Variants in MATN2 observed in about 807,000 individuals in gnomAD.
The protein encoded by MATN2 is matrilin-2.
MATN2 carries 69 observed loss-of-function variants against 103.2 expected under a neutral mutation model. The ratio of observed to expected loss-of-function variants is 0.67; its 90% CI spans 0.55 to 0.82. The LOEUF (loss-of-function observed/expected upper bound fraction) is 0.82, where lower values mean the gene tolerates loss of function less well. Ranked by LOEUF, MATN2 falls within the 40% of genes least tolerant of loss-of-function variation. MATN2 has a pLI of 0.00. For missense variants in MATN2, 1,023 were observed against 1,211.5 expected (o/e 0.84, Z 2.31); for synonymous variants, 429 against 450.2 (o/e 0.95, Z 0.60).
At chr8:97,932,550 G>A (rs1810233309) in intron 3 of MATN2, among the ~76,000 whole-genome samples, 1 of 152,146 alleles carries the variant, frequency 6.6e-6, no homozygotes, top group Admixed American at 6.5e-5. Context: ...TCTTTTCACA[G>A]GGCTTCTCTC....
chr8:97,880,828 C>A (rs1173090583), intron 1 of MATN2, among the ~76,000 whole-genome samples: 3 of 152,156 alleles, frequency 2.0e-5, no homozygotes, highest in African/African-American at 4.8e-5. Flanking sequence ...AGTGATGCAT[C>A]CTTCTTGGTC....
chr8:97,959,377 A>G (rs1711861673), intron 4 of MATN2, among the ~76,000 whole-genome samples: 1 of 151,730 alleles, frequency 6.6e-6, no homozygotes, highest in African/African-American at 2.4e-5. Context: ...GACTAAATGA[A>G]TGAATATCGT....
rs374389167 is a variant in MATN2 at position 98,018,131 on chromosome 8, G to A, written c.1819+15G>A. ...ACGCTGCCGAAGTAAGTAGCCTCGAGGTGGAGAAGAACTTTTCCCTCTGTG... is the reference window on the plus strand; with the variant it reads ...ACGCTGCCGAAGTAAGTAGCCTCGAAGTGGAGAAGAACTTTTCCCTCTGTG... On this transcript the variant is annotated intron_variant, in intron 12 of 18. Transcript: ENST00000254898. 2.4e-5 allele frequency: 39 copies of A among 1,613,156 alleles called. No individual in the cohort carries two copies. The highest frequency in any genetic ancestry group is 3.2e-5 in the Non-Finnish European group (38 of 1,179,426).
intron 7 of MATN2, among the ~76,000 whole-genome samples, chr8:98,001,616 C>T (rs1812789940): frequency 2.0e-5 from 3 of 152,082 alleles, no homozygotes; most frequent in Admixed American, 1.3e-4. Context: ...AGACGCATGC[C>T]ACCATGCCCA....
chr8:98,000,889 G>A (rs544630985), intron 7 of MATN2, among the ~76,000 whole-genome samples: 45 of 152,250 alleles, frequency 3.0e-4, no homozygotes, highest in African/African-American at 5.5e-4. Context: ...TGAATGCTAC[G>A]AAAGAGAGGT....
chr8:97,986,094 T>C (rs1039925834), intron 6 of MATN2, among the ~76,000 whole-genome samples: 4 of 152,214 alleles, frequency 2.6e-5, no homozygotes, highest in African/African-American at 9.6e-5. Context: ...CAAATAATAT[T>C]GTGATAAACA....
chr8:97,883,217 G>A (rs1200852747), intron 1 of MATN2, among the ~76,000 whole-genome samples: 5 of 151,310 alleles, frequency 3.3e-5, no homozygotes, highest in African/African-American at 4.9e-5. Context: ...CCCAGGAGGC[G>A]GAGGTTGCAG....
At chr8:97,895,604 G>T (rs917362617) in intron 2 of MATN2, among the ~76,000 whole-genome samples, 4 of 152,150 alleles carry the variant, frequency 2.6e-5, no homozygotes, top group African/African-American at 9.7e-5. Context: ...ACCTCAGAGG[G>T]ATTCACATTT....
intron 13 of MATN2, among the ~76,000 whole-genome samples, chr8:98,024,252 C>T (rs987079109): frequency 6.6e-6 from 1 of 152,106 alleles, no homozygotes; most frequent in African/African-American, 2.4e-5. Flanking sequence ...TGCCTTTAAT[C>T]CCGGCACCTT....
intron 7 of MATN2, among the ~76,000 whole-genome samples, chr8:97,999,861 CTTTT>C (rs71271182): frequency 2.2e-5 from 3 of 138,430 alleles, no homozygotes; most frequent in Non-Finnish European, 4.6e-5. Context: ...GTCACGGATT[CTTTT>C]TTTTTTTTTT....
intron 5 of MATN2, among the ~76,000 whole-genome samples, chr8:97,976,739 CT>C (rs35592375): frequency 8.2e-4 from 118 of 144,354 alleles, no homozygotes; most frequent in Admixed American, 1.0e-3. Context: ...TTTCCAAAAA[CT>C]TTTTTTTTTT....
intron 10 of MATN2, among the ~76,000 whole-genome samples, chr8:98,012,616 C>T (rs974476426): frequency 6.6e-6 from 1 of 152,152 alleles, no homozygotes; most frequent in Admixed American, 6.5e-5. Flanking sequence ...CGGCGGGACA[C>T]ATCACCCACC....
intron 2 of MATN2, among the ~76,000 whole-genome samples, chr8:97,927,672 C>T (rs1168845409): frequency 3.9e-5 from 6 of 152,186 alleles, no homozygotes; most frequent in Admixed American, 2.6e-4. Context: ...GAACCTCCAA[C>T]AACATTTTGA....
At chr8:98,034,394 T>C (rs186543346) in intron 18 of MATN2, 1 of 330,910 alleles carries the variant, frequency 3.0e-6, no homozygotes, top group African/African-American at 2.1e-5. Context: ...GTGCATCAAC[T>C]AGTCTATAGG....
At chr8:97,881,913 C>CTTTTTTTTTTTT (rs34704905) in intron 1 of MATN2, among the ~76,000 whole-genome samples, 2 of 84,088 alleles carry the variant, frequency 2.4e-5, no homozygotes, top group African/African-American at 4.6e-5. Flanking sequence ...TATTACTTAT[C>CTTTTTTTTTTTT]TTTTTTTTTT....
At chr8:97,985,161 C>T (rs1377833064) in intron 6 of MATN2, among the ~76,000 whole-genome samples, 1 of 152,152 alleles carries the variant, frequency 6.6e-6, no homozygotes, top group East Asian at 1.9e-4. Context: ...AAGGCTGCTT[C>T]CACTCACAGC....
chr8:97,992,403 A>G (rs1812421014), intron 6 of MATN2, among the ~76,000 whole-genome samples: 1 of 152,196 alleles, frequency 6.6e-6, no homozygotes, highest in African/African-American at 2.4e-5. Flanking sequence ...ATTGTTTATA[A>G]AGACTCCCAG....
intron 3 of MATN2, among the ~76,000 whole-genome samples, chr8:97,936,854 C>A (rs945135356): frequency 6.6e-6 from 1 of 152,190 alleles, no homozygotes; most frequent in African/African-American, 2.4e-5. Flanking sequence ...CAGCACTCAC[C>A]CACAGCATTC....
chr8:97,900,142 G>C (rs1423604276), intron 2 of MATN2, among the ~76,000 whole-genome samples: 1 of 152,220 alleles, frequency 6.6e-6, no homozygotes, highest in African/African-American at 2.4e-5. Flanking sequence ...AGTATATCCA[G>C]GGGAGGCTGA....
Sources: allele counts gnomAD v4.1 joint callset (sites outside exome capture counted in the v4.1 genomes callset), GRCh38; gene constraint gnomAD v4.1.1; transcripts MANE v1.5; gene names NCBI Gene and HGNC (gene_info 2026-07-23, HGNC 2026-07-21).